Variants in SCLT1 observed in about 807,000 individuals in gnomAD.
SCLT1 encodes the protein sodium channel-associated protein 1.
In SCLT1, 78 loss-of-function variants were observed where a neutral mutation model predicts 112.8. That is an observed-to-expected ratio of 0.69 (90% CI 0.58 to 0.83). SCLT1 has a LOEUF of 0.83. SCLT1 is among the 40% of genes least tolerant of loss of function. The pLI, the probability that SCLT1 is intolerant of heterozygous loss-of-function variation, is 0.00. For missense variants in SCLT1, 747 were observed against 770.4 expected (o/e 0.97, Z 0.36); for synonymous variants, 257 against 254.7 (o/e 1.01, Z -0.09).
At chr4:128,874,701 C>T (rs1008119728) in intron 4 of SCLT1, 1 of 152,560 alleles carries the variant, frequency 6.6e-6, no homozygotes, top group East Asian at 1.9e-4. Flanking sequence ...CACCCACTTG[C>T]GTTCTATTAG....
chr4:129,091,590 T>C (rs968480333), intron 1 of SCLT1, among the ~76,000 whole-genome samples: 5 of 152,030 alleles, frequency 3.3e-5, no homozygotes, highest in African/African-American at 1.2e-4. Flanking sequence ...TCTTATGGGG[T>C]GGGGATATTC....
In SCLT1 at chr4:128,929,536, A is replaced by G. The variant is rs564572919; in HGVS notation, c.1829+7119T>C. On this transcript the variant is annotated intron_variant, in intron 18 of 20. Coordinates refer to ENST00000281142, the MANE Select transcript of SCLT1 (RefSeq NM_144643.4). ...TACAAAAAAGAACAAGGTAAGAGAA[A>G]TGGCTGTAATTAGGTATCAGGTCAC... Among the ~76,000 whole-genome samples, 60 of 152,350 alleles carry G rather than the reference A, an allele frequency of 3.9e-4. 3 individuals carry two copies. In the South Asian group the frequency reaches 0.011, roughly 29 times the overall value.
rs1399325590 is a variant in SCLT1 at position 129,056,741 on chromosome 4, T to C, written c.103-12690A>G. Among the ~76,000 whole-genome samples, 12 of 152,102 alleles carry C rather than the reference T, an allele frequency of 7.9e-5. No homozygotes were observed. The South Asian group carries it at 2.5e-3, about 32-fold the overall frequency. On this transcript the variant is annotated intron_variant, in intron 2 of 20. Transcript: ENST00000281142. ...AGTTCTAAGAGTGTTTTGGTGGAGG[T>C]TTTACATGTTCCTATATATAAGATG...
At chr4:128,923,555 A>G (rs910755685) in intron 18 of SCLT1, among the ~76,000 whole-genome samples, 2 of 151,852 alleles carry the variant, frequency 1.3e-5, no homozygotes, top group African/African-American at 4.8e-5. Flanking sequence ...TAGGCATCCA[A>G]ACTGTTTTAT....
intron 16 of SCLT1, among the ~76,000 whole-genome samples, chr4:128,945,715 C>A (rs1269885114): frequency 6.6e-6 from 1 of 151,938 alleles, no homozygotes; most frequent in Non-Finnish European, 1.5e-5. Flanking sequence ...TATAAGCAAG[C>A]TACTATAATA....
Position 128,943,017 on chromosome 4 carries a change from A to G in SCLT1, c.1611T>C (p.Ala537=). The stretch of plus-strand genomic sequence containing the variant: ...ATACCTTTACTTTGGCTTTTTTTTG[A>G]GCCTCCAGGGCAATCTTCCTTAAAC... The part of the protein sequence containing the change: ...TESLRKIALE[A]QKKAKVKIST... The change falls in exon 17 of 21, where the codon GCT becomes GCC. Residue 537 remains alanine, a synonymous_variant. Coordinates refer to ENST00000281142, the MANE Select transcript of SCLT1 (RefSeq NM_144643.4). 1.2e-6 allele frequency: 2 copies of G among 1,601,062 alleles called. No homozygotes were observed. The highest frequency in any genetic ancestry group is 8.5e-7 in the Non-Finnish European group (1 of 1,175,952).
chr4:129,058,061 T>C lies in SCLT1; in HGVS notation c.103-14010A>G, dbSNP rs72926013. On this transcript the variant is annotated intron_variant, in intron 2 of 20. Coordinates refer to ENST00000281142, the MANE Select transcript of SCLT1 (RefSeq NM_144643.4). ...ATCATGCCTGGCCCAATCCCTTGTG[T>C]TTCTGTGGTATCATAATGTCTCGTT... Among the ~76,000 whole-genome samples the C allele has an allele frequency of 4.8e-3, 731 of 152,320 alleles. 4 individuals carry two copies. Among genetic ancestry groups the C allele is most frequent in the African/African-American group, 0.016 (664 of 41,578 alleles).
intron 17 of SCLT1, among the ~76,000 whole-genome samples, chr4:128,940,495 T>A (rs1420742914): frequency 6.6e-6 from 1 of 152,040 alleles, no homozygotes; most frequent in Non-Finnish European, 1.5e-5. Context: ...TATGTGTGTA[T>A]ACACATAAAT....
intron 4 of SCLT1, among the ~76,000 whole-genome samples, chr4:128,875,925 T>C (rs924889797): frequency 3.3e-5 from 5 of 152,172 alleles, no homozygotes; most frequent in African/African-American, 1.2e-4. Flanking sequence ...CAAAAAAATA[T>C]TATCTGCATT....
rs146155321 is a variant in SCLT1, at chr4:128,992,517, A to G, written c.616-280T>C. Reference sequence around the variant, plus strand: ...CATCTATCCACCTGGGCATAAAGCTATAAGTGTTATAGAACTAATGTTCCA... The same window carrying G: ...CATCTATCCACCTGGGCATAAAGCTGTAAGTGTTATAGAACTAATGTTCCA... On this transcript the variant is annotated intron_variant, in intron 8 of 20. Coordinates refer to ENST00000281142, the MANE Select transcript of SCLT1 (RefSeq NM_144643.4). Among the ~76,000 whole-genome samples the G allele has an allele frequency of 1.7e-3, 258 of 152,046 alleles. 2 individuals are homozygous for G. Among genetic ancestry groups the G allele is most frequent in the East Asian group, 0.014 (71 of 5,192 alleles).
At chr4:128,962,585 G>T (rs1440119457) in intron 11 of SCLT1, among the ~76,000 whole-genome samples, 10 of 152,046 alleles carry the variant, frequency 6.6e-5, no homozygotes, top group Non-Finnish European at 1.5e-4. Flanking sequence ...ATCATTTTGT[G>T]TTTCAGAATA....
In SCLT1 at chr4:128,946,002, C is replaced by T. The variant is rs1167214542; in HGVS notation, c.1439+5G>A. On this transcript the variant is annotated splice_donor_5th_base_variant and intron_variant, in intron 16 of 20. Transcript: ENST00000281142. Reference sequence around the variant, plus strand: ...TATCATAGAAAATCCAAAAGAAAAACTTACTCAGTTTCAAGTTGTTTTATT... The same window carrying T: ...TATCATAGAAAATCCAAAAGAAAAATTTACTCAGTTTCAAGTTGTTTTATT... 2 of 1,588,266 alleles carry T rather than the reference C, an allele frequency of 1.3e-6. No homozygotes were observed. Among genetic ancestry groups the T allele is most frequent in the Non-Finnish European group, 1.7e-6 (2 of 1,164,606 alleles).
intron 20 of SCLT1, among the ~76,000 whole-genome samples, chr4:128,886,173 A>C (rs1164826513): frequency 6.6e-6 from 1 of 152,204 alleles, no homozygotes; most frequent in Admixed American, 6.5e-5. Flanking sequence ...TAAAAAACTC[A>C]TATGTTAACA....
chr4:128,968,250 T>C (rs999172173), intron 10 of SCLT1, among the ~76,000 whole-genome samples: 1 of 152,186 alleles, frequency 6.6e-6, no homozygotes, highest in Non-Finnish European at 1.5e-5. Context: ...TGAGCTCTTG[T>C]TCATTTTTCT....
At chr4:128,992,293 A>C in intron 8 of SCLT1, 56 bp from the exon 9 acceptor site, 1 of 1,077,026 alleles carries the variant, frequency 9.3e-7, no homozygotes, top group Non-Finnish European at 1.4e-6. Flanking sequence ...TGTATCTTTA[A>C]AGATGACACA....
At chr4:128,949,091 A>C (rs774549763) in intron 14 of SCLT1, among the ~76,000 whole-genome samples, 1 of 152,228 alleles carries the variant, frequency 6.6e-6, no homozygotes, top group Non-Finnish European at 1.5e-5. Flanking sequence ...TAGCAAGCAT[A>C]TCAATTAGAT....
intron 5 of SCLT1, among the ~76,000 whole-genome samples, chr4:129,024,233 C>T (rs1202895680): frequency 1.3e-5 from 2 of 152,212 alleles, no homozygotes; most frequent in Non-Finnish European, 2.9e-5. Context: ...GGGCAGACTG[C>T]CTCCTCAAGT....
chr4:129,072,389 C>G (rs555932346), intron 2 of SCLT1, among the ~76,000 whole-genome samples: 1 of 152,266 alleles, frequency 6.6e-6, no homozygotes. Context: ...CAATTATTCC[C>G]CCAAATATTT....
intron 19 of SCLT1, among the ~76,000 whole-genome samples, chr4:128,889,612 C>T (rs887283460): frequency 1.3e-5 from 2 of 152,164 alleles, no homozygotes; most frequent in African/African-American, 4.8e-5. Context: ...AAGAACTATA[C>T]AGGCATCATG....
Sources: gnomAD v4.1 joint callset for allele counts (sites outside exome capture counted in the v4.1 genomes callset) on GRCh38, gnomAD v4.1.1 for gene constraint, MANE v1.5 for transcripts, NCBI Gene and HGNC (gene_info 2026-07-23, HGNC 2026-07-21) for gene names.